FAM227B: variants seen among roughly 807,000 people sequenced by gnomAD.
FAM227B encodes protein FAM227B.
FAM227B carries 88 observed loss-of-function variants against 73.8 expected under a neutral mutation model. The observed-to-expected ratio is 1.19, with a 90% CI of 1.00 to 1.42. The LOEUF is 1.42. Among genes scored for constraint, FAM227B ranks in the 40% most tolerant of loss-of-function variants. The pLI, the probability that FAM227B is intolerant of heterozygous loss-of-function variation, is 0.00. For missense variants in FAM227B, 632 were observed against 590.9 expected (o/e 1.07, Z -0.72); for synonymous variants, 210 against 190.5 (o/e 1.10, Z -0.84).
chr15:49,381,821 A>C (rs2046554705), intron 11 of FAM227B, among the ~76,000 whole-genome samples: 1 of 152,164 alleles, frequency 6.6e-6, no homozygotes, highest in South Asian at 2.1e-4. Context: ...TAAGTAGGAG[A>C]GTTTAGTTGC....
chr15:49,417,343 T>C (rs2049285984), intron 11 of FAM227B, among the ~76,000 whole-genome samples: 1 of 152,146 alleles, frequency 6.6e-6, no homozygotes, highest in South Asian at 2.1e-4. Flanking sequence ...GCCATGATTA[T>C]GCCACTGCGC....
chr15:49,526,176 C>T (rs931740284), intron 10 of FAM227B, among the ~76,000 whole-genome samples: 5 of 152,006 alleles, frequency 3.3e-5, no homozygotes, highest in African/African-American at 7.2e-5. Flanking sequence ...CAATAAATTT[C>T]GAAAACTGAA....
chr15:49,364,089 G>A (rs185898097), intron 13 of FAM227B, among the ~76,000 whole-genome samples: 26 of 152,096 alleles, frequency 1.7e-4, no homozygotes, highest in African/African-American at 5.8e-4. Flanking sequence ...TTTTTATTGT[G>A]TCTATGCCAG....
intron 11 of FAM227B, chr15:49,423,891 T>C (rs1374843417): frequency 6.2e-6 from 1 of 160,224 alleles, no homozygotes. Flanking sequence ...ACATCCTCTG[T>C]GAAGGCTGTT....
intron 11 of FAM227B, among the ~76,000 whole-genome samples, chr15:49,426,271 T>C (rs960372363): frequency 1.3e-5 from 2 of 151,832 alleles, no homozygotes; most frequent in Non-Finnish European, 2.9e-5. Flanking sequence ...CAGAATATAT[T>C]TCATAAATAT....
intron 11 of FAM227B, among the ~76,000 whole-genome samples, chr15:49,395,060 GTC>G (rs1428300431): frequency 1.7e-4 from 26 of 152,232 alleles, no homozygotes; most frequent in African/African-American, 6.0e-4. Flanking sequence ...ATCCATGAGA[GTC>G]TGAACATTTT....
At chr15:49,595,931 T>C (rs549281838) in intron 3 of FAM227B, among the ~76,000 whole-genome samples, 1 of 148,778 alleles carries the variant, frequency 6.7e-6, no homozygotes, top group East Asian at 2.3e-4. Flanking sequence ...AAAAATAATT[T>C]TTTTAAAAAT....
At chr15:49,601,644 C>T (rs1229081540) in intron 3 of FAM227B, among the ~76,000 whole-genome samples, 1 of 152,086 alleles carries the variant, frequency 6.6e-6, no homozygotes, top group Non-Finnish European at 1.5e-5. Flanking sequence ...CACAAATAAT[C>T]CAATTATACT....
At chr15:49,366,438 T>C in intron 13 of FAM227B, 2 of 914,062 alleles carry the variant, frequency 2.2e-6, no homozygotes, top group South Asian at 2.6e-5. Flanking sequence ...TTGTTCTTTA[T>C]GTCAACAGGA....
chr15:49,558,714 T>C (rs902738403), intron 9 of FAM227B, among the ~76,000 whole-genome samples: 3 of 152,192 alleles, frequency 2.0e-5, no homozygotes, highest in Non-Finnish European at 4.4e-5. Flanking sequence ...ACTTGAACTC[T>C]GGGTTAGCCT....
At chr15:49,577,357 C>A in intron 6 of FAM227B, 1 of 395,994 alleles carries the variant, frequency 2.5e-6, no homozygotes, top group Non-Finnish European at 4.6e-6. Context: ...AATTAAGAAC[C>A]CTAGCACATT....
chr15:49,576,056 A>G (rs2075420540), intron 7 of FAM227B: 1 of 152,244 alleles, frequency 6.6e-6, no homozygotes, highest in African/African-American at 2.4e-5. Flanking sequence ...TGGCAAGAAA[A>G]TTATTATGTA....
intron 11 of FAM227B, among the ~76,000 whole-genome samples, chr15:49,372,752 T>G (rs1387915440): frequency 6.6e-6 from 1 of 152,204 alleles, no homozygotes; most frequent in East Asian, 1.9e-4. Flanking sequence ...TTCTAGACTC[T>G]GGCACTGATT....
intron 11 of FAM227B, chr15:49,487,750 T>C (rs544144221): frequency 2.4e-4 from 37 of 151,966 alleles, no homozygotes; most frequent in Admixed American, 4.6e-4. Flanking sequence ...AACATTTCTT[T>C]TCTCTTAAGA....
Position 49,589,839 on chromosome 15 carries a change from A to G in FAM227B, c.274T>C (p.Ser92Pro). ...GAGGTGTGGTTTTGCAAAATAAGTG[A>G]ATATTCCTTTAATTTTGATTCCATG... is the stretch of plus-strand genomic sequence containing the variant. ...LIMESKLKEY[S>P]LILQNHTSEI... The change falls in exon 4 of 16, where the codon TCA becomes CCA. Residue 92 changes from serine (S) to proline (P), a missense_variant. Coordinates refer to ENST00000299338, the MANE Select transcript of FAM227B (RefSeq NM_152647.3). 6.2e-7 allele frequency: 1 copy of G among 1,610,544 alleles called. No homozygotes were observed. The highest frequency in any genetic ancestry group is 8.5e-7 in the Non-Finnish European group (1 of 1,176,832).
chr15:49,381,003 T>C, intron 11 of FAM227B, among the ~76,000 whole-genome samples: 1 of 152,156 alleles, frequency 6.6e-6, no homozygotes, highest in East Asian at 1.9e-4. Context: ...GAGATTACAA[T>C]CGTGGTAAAA....
In FAM227B at chr15:49,499,186, A is replaced by G. The variant is rs201209441; in HGVS notation, c.1012+9025T>C. ...GTCTCAAAAAAAAAAAAAAAAAAAA[A>G]AAAAGAAGGGCATTACATAATGATA... is the stretch of plus-strand genomic sequence containing the variant. On this transcript the variant is annotated intron_variant, in intron 11 of 15. Coordinates refer to ENST00000299338, the MANE Select transcript of FAM227B (RefSeq NM_152647.3). 8.4e-4 allele frequency among the ~76,000 whole-genome samples: 126 copies of G among 150,750 alleles called. No individual in the cohort carries two copies. The East Asian group carries it at 0.024, about 28-fold the overall frequency.
chr15:49,579,624 C>A (rs1197993904), intron 5 of FAM227B, among the ~76,000 whole-genome samples: 2 of 151,976 alleles, frequency 1.3e-5, no homozygotes, highest in Non-Finnish European at 2.9e-5. Context: ...TGGTGGTTAC[C>A]AGAGGCTGTG....
intron 13 of FAM227B, among the ~76,000 whole-genome samples, chr15:49,340,432 C>T (rs996680324): frequency 4.0e-4 from 51 of 126,258 alleles, no homozygotes; most frequent in South Asian, 1.9e-3. Context: ...CGCTTTGCCT[C>T]GCCCTCCTTG....
Sources: gnomAD v4.1 joint callset for allele counts (sites outside exome capture counted in the v4.1 genomes callset) on GRCh38, gnomAD v4.1.1 for gene constraint, MANE v1.5 for transcripts, NCBI Gene and HGNC (gene_info 2026-07-23, HGNC 2026-07-21) for gene names.